Variants in RCBTB2 observed in about 807,000 individuals in gnomAD.
The protein encoded by RCBTB2 is RCC1 and BTB domain-containing protein 2.
A neutral mutation model predicts 65.4 loss-of-function variants in RCBTB2; 55 were observed. The observed-to-expected ratio is 0.84, with a 90% CI of 0.68 to 1.05. The LOEUF is 1.05. RCBTB2 is among the 50% of genes least tolerant of loss of function. The probability of loss-of-function intolerance (pLI) is 0.00; values close to 1 mark genes in which losing one functional copy is unlikely to be tolerated. For missense variants in RCBTB2, 599 were observed against 680.1 expected (o/e 0.88, Z 1.33); for synonymous variants, 220 against 255.2 (o/e 0.86, Z 1.31).
chr13:48,505,336 C>T (rs932731471), intron 10 of RCBTB2, among the ~76,000 whole-genome samples: 1 of 152,168 alleles, frequency 6.6e-6, no homozygotes, highest in Non-Finnish European at 1.5e-5. Flanking sequence ...GACAAAGCAT[C>T]TTTTAGGTGG....
chr13:48,526,255 T>G (rs1329103763), intron 1 of RCBTB2, among the ~76,000 whole-genome samples: 1 of 152,124 alleles, frequency 6.6e-6, no homozygotes, highest in Non-Finnish European at 1.5e-5. Context: ...ATTGAATCAA[T>G]ACCCTAGGAA....
chr13:48,498,674 G>A (rs1470348449), intron 13 of RCBTB2, among the ~76,000 whole-genome samples: 2 of 152,080 alleles, frequency 1.3e-5, no homozygotes, highest in Non-Finnish European at 2.9e-5. Context: ...AGGTTGTGGT[G>A]AGCGGAGATC....
intron 4 of RCBTB2, among the ~76,000 whole-genome samples, chr13:48,518,472 A>AAAATATATATATATATATATAT (rs1491137365): frequency 4.3e-5 from 5 of 116,614 alleles, no homozygotes; most frequent in African/African-American, 1.9e-4. Context: ...AAAAAAAAAA[A>AAAATATATATATATATATATAT]ATATATATAT....
rs536001669 is a variant in RCBTB2 at position 48,533,042 on chromosome 13, G to A, written c.-233C>T. 101 of 454,908 alleles carry A rather than the reference G, an allele frequency of 2.2e-4. 2 individuals are homozygous for A. The highest frequency in any genetic ancestry group is 1.6e-3 in the South Asian group (101 of 64,554). The allele number at this position is 454,908 out of a possible 1,614,324, so 28.2% of individuals were successfully genotyped here. A position where few individuals can be genotyped will look rare whatever the true frequency, so the allele number is the denominator to read the frequency against. ...CACCCTCTTACCTCCTCGCAGGCCG[G>A]AGCCTTGTCCGCTCCGCCTCCTGGG... On this transcript the variant is annotated 5_prime_UTR_variant, in exon 1 of 15. Coordinates refer to ENST00000344532, the MANE Select transcript of RCBTB2 (RefSeq NM_001268.4).
At chr13:48,520,068 T>TA (rs576208077) in intron 4 of RCBTB2, among the ~76,000 whole-genome samples, 188 of 150,038 alleles carry the variant, frequency 1.3e-3, no homozygotes, top group Middle Eastern at 3.4e-3. Flanking sequence ...ATTCAAAAAT[T>TA]AAAAAAAAAA....
intron 12 of RCBTB2, 56 bp from the exon 13 acceptor site, chr13:48,499,816 T>C: frequency 2.5e-6 from 4 of 1,602,734 alleles, no homozygotes. Context: ...ACAGATGGCC[T>C]CTGTGAGGAC....
At chr13:48,503,252 C>A (rs192123271) in intron 10 of RCBTB2, among the ~76,000 whole-genome samples, 7 of 152,002 alleles carry the variant, frequency 4.6e-5, no homozygotes, top group Non-Finnish European at 8.8e-5. Context: ...GTCCCCCCTA[C>A]CAAAAAAGGG....
chr13:48,491,122 G>A (rs1284908482), intron 14 of RCBTB2, among the ~76,000 whole-genome samples: 1 of 152,004 alleles, frequency 6.6e-6, no homozygotes, highest in African/African-American at 2.4e-5. Flanking sequence ...CCAAGCTACT[G>A]TAGGTAATTT....
At chr13:48,523,900 G>A (rs1473597789) in intron 2 of RCBTB2, among the ~76,000 whole-genome samples, 1 of 152,022 alleles carries the variant, frequency 6.6e-6, no homozygotes, top group Non-Finnish European at 1.5e-5. Context: ...CTGACATCAG[G>A]TTAAGACATA....
chr13:48,528,637 T>A (rs758061307), intron 1 of RCBTB2, among the ~76,000 whole-genome samples: 2 of 152,184 alleles, frequency 1.3e-5, no homozygotes, highest in African/African-American at 4.8e-5. Flanking sequence ...TTAGATAGTA[T>A]CTTTAATAGC....
intron 1 of RCBTB2, among the ~76,000 whole-genome samples, chr13:48,530,617 A>G (rs1952059929): frequency 6.6e-6 from 1 of 152,242 alleles, no homozygotes; most frequent in Admixed American, 6.5e-5. Flanking sequence ...AGCAATGACC[A>G]TTCTTAGAAA....
chr13:48,490,527 T>A (rs1327947043), intron 14 of RCBTB2, among the ~76,000 whole-genome samples: 1 of 152,236 alleles, frequency 6.6e-6, no homozygotes, highest in Non-Finnish European at 1.5e-5. Flanking sequence ...GAGATAGGCA[T>A]GTGAGTGTGT....
rs571106221 is a variant in RCBTB2, at chr13:48,503,922, C to T, written c.927-1008G>A. Among the ~76,000 whole-genome samples, 3 of 152,246 alleles carry T rather than the reference C, an allele frequency of 2.0e-5. 1 individual carries two copies. The highest frequency in any genetic ancestry group is 7.2e-5 in the African/African-American group (3 of 41,528). On this transcript the variant is annotated intron_variant, in intron 10 of 14. Transcript: ENST00000344532. Reference sequence around the variant, plus strand: ...TTTCTTTTCCATCAGAATAAGCCACCATACAGATTGAAGGAAAATGGTAAA... The same window carrying T: ...TTTCTTTTCCATCAGAATAAGCCACTATACAGATTGAAGGAAAATGGTAAA...
intron 1 of RCBTB2, among the ~76,000 whole-genome samples, chr13:48,525,054 TTC>T (rs1466752368): frequency 6.6e-6 from 1 of 151,950 alleles, no homozygotes; most frequent in Non-Finnish European, 1.5e-5. Context: ...TCTATAGTAT[TTC>T]CATATGGAAA....
At chr13:48,521,809 A>T in intron 4 of RCBTB2, 89 bp downstream of exon 4, 1 of 1,199,696 alleles carries the variant, frequency 8.3e-7, no homozygotes, top group South Asian at 1.3e-5. Flanking sequence ...TATCTCATTG[A>T]TTTTCCTATC....
At chr13:48,502,516 A>C (rs1950285363) in intron 11 of RCBTB2, among the ~76,000 whole-genome samples, 1 of 152,162 alleles carries the variant, frequency 6.6e-6, no homozygotes, top group Non-Finnish European at 1.5e-5. Flanking sequence ...AAAAAAAAAA[A>C]GTAGTCAAAT....
intron 14 of RCBTB2, 107 bp from the exon 15 acceptor site, chr13:48,490,358 G>A: frequency 1.2e-6 from 1 of 842,472 alleles, no homozygotes; most frequent in Non-Finnish European, 1.9e-6. Context: ...GGATTTAATA[G>A]GCAAGTGGAG....
At chr13:48,505,305 T>G (rs1323916226) in intron 10 of RCBTB2, among the ~76,000 whole-genome samples, 1 of 152,226 alleles carries the variant, frequency 6.6e-6, no homozygotes, top group Non-Finnish European at 1.5e-5. Flanking sequence ...TACATTATGA[T>G]GACTACTCAG....
chr13:48,528,374 A>C (rs1165804472), intron 1 of RCBTB2, among the ~76,000 whole-genome samples: 2 of 152,238 alleles, frequency 1.3e-5, no homozygotes, highest in African/African-American at 4.8e-5. Context: ...TCAACTCTAA[A>C]GCTATGCTTG....
Sources: allele counts gnomAD v4.1 joint callset (sites outside exome capture counted in the v4.1 genomes callset), GRCh38; gene constraint gnomAD v4.1.1; transcripts MANE v1.5; gene names NCBI Gene and HGNC (gene_info 2026-07-23, HGNC 2026-07-21).